GMDS: variants seen among roughly 807,000 people sequenced by gnomAD.
GMDS encodes GDP-mannose 4,6-dehydratase, also known as GDP-mannose 4,6 dehydratase.
Under a neutral mutation model 49.9 loss-of-function variants are expected in GMDS, and 20 were observed. The observed-to-expected ratio is 0.40, with a 90% CI of 0.28 to 0.58. GMDS has a LOEUF of 0.58. Among genes scored for constraint, GMDS ranks in the 20% least tolerant of loss-of-function variants. The pLI is 0.42. For synonymous variants in GMDS, 177 were observed against 178.6 expected, an observed-to-expected ratio of 0.99 and a Z score of 0.07; for missense variants, 362 against 481.4, an observed-to-expected ratio of 0.75 and a Z score of 2.32.
intron 9 of GMDS, among the ~76,000 whole-genome samples, chr6:1,662,555 G>A (rs1022035455): frequency 3.3e-5 from 5 of 152,162 alleles, no homozygotes; most frequent in African/African-American, 1.2e-4. Flanking sequence ...TCAGAGAGGT[G>A]GGGAGGGCCC....
intron 4 of GMDS, among the ~76,000 whole-genome samples, chr6:1,977,305 A>T (rs1367680354): frequency 6.6e-6 from 1 of 152,250 alleles, no homozygotes; most frequent in African/African-American, 2.4e-5. Flanking sequence ...ACCAACAGGC[A>T]AATAAATGAG....
intron 7 of GMDS, among the ~76,000 whole-genome samples, chr6:1,755,860 C>G (rs928089282): frequency 6.6e-6 from 1 of 152,182 alleles, no homozygotes; most frequent in African/African-American, 2.4e-5. Context: ...GCAAAGACTT[C>G]ATGACTAAAA....
intron 7 of GMDS, among the ~76,000 whole-genome samples, chr6:1,897,037 C>T (rs762831309): frequency 1.3e-4 from 20 of 152,206 alleles, no homozygotes; most frequent in East Asian, 7.7e-4. Context: ...GTGGGAGATT[C>T]GGGAGGAGCA....
rs140781917 is a variant in GMDS at position 2,005,924 on chromosome 6, C to T, written c.346-44958G>A. Among the ~76,000 whole-genome samples the T allele has an allele frequency of 4.4e-3, 670 of 152,302 alleles. 7 individuals are homozygous for T. The highest frequency in any genetic ancestry group is 0.015 in the African/African-American group (638 of 41,572). On this transcript the variant is annotated intron_variant, in intron 4 of 10. Transcript: ENST00000380815. ...GGCTCTTTTCACTCGACACCCTTGA[C>T]ACTTGGTGTTCCCAATGTCTGTCTC...
At chr6:1,828,140 T>C (rs1194253400) in intron 7 of GMDS, among the ~76,000 whole-genome samples, 1 of 151,980 alleles carries the variant, frequency 6.6e-6, no homozygotes, top group Non-Finnish European at 1.5e-5. Context: ...CTGGAAAGTA[T>C]AATAAGTAAA....
intron 7 of GMDS, among the ~76,000 whole-genome samples, chr6:1,819,635 C>A (rs1770804149): frequency 1.3e-5 from 2 of 151,708 alleles, no homozygotes; most frequent in Middle Eastern, 3.4e-3. Flanking sequence ...GGGGCAGGCG[C>A]CTGTCATCCC....
chr6:2,185,343 C>G (rs934178788), intron 1 of GMDS, among the ~76,000 whole-genome samples: 1 of 152,224 alleles, frequency 6.6e-6, no homozygotes, highest in African/African-American at 2.4e-5. Context: ...TGTGGTACTT[C>G]TGACTCTCAT....
chr6:1,855,140 C>G (rs564095421), intron 7 of GMDS, among the ~76,000 whole-genome samples: 94 of 152,276 alleles, frequency 6.2e-4, no homozygotes, highest in Middle Eastern at 3.4e-3. Context: ...AGTTGATCAG[C>G]CAAACAATCT....
chr6:1,977,316 C>T (rs1764961115), intron 4 of GMDS, among the ~76,000 whole-genome samples: 1 of 152,190 alleles, frequency 6.6e-6, no homozygotes, highest in South Asian at 2.1e-4. Flanking sequence ...AATAAATGAG[C>T]CTCTCTAAGC....
chr6:2,093,801 T>C (rs1212787532), intron 4 of GMDS, among the ~76,000 whole-genome samples: 2 of 151,582 alleles, frequency 1.3e-5, no homozygotes, highest in East Asian at 1.9e-4. Flanking sequence ...GAAAAAAACA[T>C]AGGTCTGGTG....
At chr6:1,986,125 AT>A (rs1273345132) in intron 4 of GMDS, among the ~76,000 whole-genome samples, 1 of 152,220 alleles carries the variant, frequency 6.6e-6, no homozygotes, top group Non-Finnish European at 1.5e-5. Flanking sequence ...TTCCTTGAAG[AT>A]TTATTTTAAT....
intron 4 of GMDS, among the ~76,000 whole-genome samples, chr6:2,038,915 G>A (rs934370067): frequency 8.5e-5 from 13 of 152,174 alleles, no homozygotes; most frequent in African/African-American, 3.1e-4. Flanking sequence ...TTGTGGACTG[G>A]AGTGCTTGAA....
chr6:2,050,433 G>A (rs919761830), intron 4 of GMDS, among the ~76,000 whole-genome samples: 8 of 152,128 alleles, frequency 5.3e-5, no homozygotes, highest in Non-Finnish European at 1.2e-4. Flanking sequence ...ATTCACAGCC[G>A]AATTCTACCA....
At chr6:1,777,362 T>TA (rs1458003297) in intron 7 of GMDS, among the ~76,000 whole-genome samples, 2 of 152,280 alleles carry the variant, frequency 1.3e-5, no homozygotes, top group African/African-American at 4.8e-5. Flanking sequence ...GATATTTTTT[T>TA]AAATGTGGCA....
chr6:1,944,203 C>T (rs1762950483), intron 6 of GMDS, among the ~76,000 whole-genome samples: 1 of 152,144 alleles, frequency 6.6e-6, no homozygotes, highest in South Asian at 2.1e-4. Context: ...AAGGCAGAGC[C>T]ACTTCCTAAA....
intron 7 of GMDS, among the ~76,000 whole-genome samples, chr6:1,925,072 T>A (rs1354644840): frequency 6.6e-6 from 1 of 152,226 alleles, no homozygotes; most frequent in African/African-American, 2.4e-5. Flanking sequence ...CAGTAATTAC[T>A]TAAATACTAA....
chr6:1,774,941 A>G (rs887818745), intron 7 of GMDS, among the ~76,000 whole-genome samples: 7 of 152,042 alleles, frequency 4.6e-5, no homozygotes, highest in Non-Finnish European at 1.0e-4. Flanking sequence ...TTCCAGGGGG[A>G]GTTGAAGGGG....
chr6:2,125,383 C>A (rs1372381615), intron 1 of GMDS, among the ~76,000 whole-genome samples: 1 of 152,154 alleles, frequency 6.6e-6, no homozygotes, highest in East Asian at 1.9e-4. Context: ...CCCACCGTGG[C>A]CTCCCAAACT....
At chr6:1,757,510 C>T (rs1175558119) in intron 7 of GMDS, among the ~76,000 whole-genome samples, 1 of 152,224 alleles carries the variant, frequency 6.6e-6, no homozygotes, top group Non-Finnish European at 1.5e-5. Context: ...TCTCCATGCT[C>T]TTGGCTCCTG....
Sources: allele counts gnomAD v4.1 joint callset (sites outside exome capture counted in the v4.1 genomes callset), GRCh38; gene constraint gnomAD v4.1.1; transcripts MANE v1.5; gene names NCBI Gene and HGNC (gene_info 2026-07-23, HGNC 2026-07-21).